CSF2RA: variants seen among roughly 807,000 people sequenced by gnomAD.
The protein encoded by CSF2RA is granulocyte-macrophage colony-stimulating factor receptor subunit alpha.
CSF2RA carries 42 observed loss-of-function variants against 51.6 expected under a neutral mutation model. The observed-to-expected ratio is 0.81, with a 90% confidence interval of 0.64 to 1.05. The LOEUF (loss-of-function observed/expected upper bound fraction) is 1.05. Ranked by LOEUF, CSF2RA falls within the 50% of genes least tolerant of loss-of-function variation. The pLI is 0.00. For synonymous variants in CSF2RA, 222 were observed against 193.0 expected, an observed-to-expected ratio of 1.15 and a Z score of -1.24; for missense variants, 530 against 501.1, an observed-to-expected ratio of 1.06 and a Z score of -0.55.
At chrX:1,312,228 C>T (rs1418419125), downstream of CSF2RA, among the ~76,000 whole-genome samples, 6 of 152,098 alleles carry the variant, frequency 3.9e-5, no homozygotes, top group East Asian at 1.9e-4. Flanking sequence ...TGTGAACCAC[C>T]ACACCTGTTC....
rs759146559 is a variant in CSF2RA at position 1,309,495 on chromosome X, G to C, written c.*16G>C. On this transcript the variant is annotated 3_prime_UTR_variant, in exon 13 of 13. Coordinates refer to ENST00000381529, the MANE Select transcript of CSF2RA (RefSeq NM_172245.4). ...AATTACCTGAGACCCAGAGGGTGTA[G>C]GAATGGCATGGACATCTCCGCCTCC... The C allele has an allele frequency of 1.2e-6, 2 of 1,613,896 alleles. No homozygotes were observed. The highest frequency in any genetic ancestry group is 1.7e-5 in the Admixed American group (1 of 59,996).
chrX:1,276,218 G>A (rs1184548042), intron 2 of CSF2RA, among the ~76,000 whole-genome samples: 1 of 151,134 alleles, frequency 6.6e-6, no homozygotes, highest in Non-Finnish European at 1.5e-5. Context: ...TTTTTCAGTA[G>A]ACACAGGGTT....
At chrX:1,269,035 A>C (rs1178665190) in intron 1 of CSF2RA, among the ~76,000 whole-genome samples, 156 bp downstream of exon 1, 1 of 152,080 alleles carries the variant, frequency 6.6e-6, no homozygotes, top group Non-Finnish European at 1.5e-5. Flanking sequence ...GGCCCAGAAG[A>C]CTGAGAGCCA....
At chrX:1,319,959 G>A in the CSF2RA span, among the ~76,000 whole-genome samples, 3 of 148,682 alleles carry the variant, frequency 2.0e-5, 1 homozygote, top group South Asian at 4.5e-4. Flanking sequence ...GCAGTGGCAC[G>A]ATCTCGGCTC....
the CSF2RA span, among the ~76,000 whole-genome samples, chrX:1,322,983 G>T: frequency 5.0e-4 from 76 of 151,484 alleles, no homozygotes; most frequent in Non-Finnish European, 9.4e-4. Context: ...CAAAAAATTA[G>T]CCGGGCGTGG....
At chrX:1,314,571 G>T (rs1392201183), downstream of CSF2RA, among the ~76,000 whole-genome samples, 21 of 66,206 alleles carry the variant, frequency 3.2e-4, no homozygotes, top group Middle Eastern at 8.3e-3. Context: ...CAATCCCACT[G>T]CACCTGCCCA....
chrX:1,276,145 G>C (rs2089161880), intron 2 of CSF2RA, among the ~76,000 whole-genome samples: 3 of 150,108 alleles, frequency 2.0e-5, no homozygotes, highest in Non-Finnish European at 4.4e-5. Flanking sequence ...GCATTACAGA[G>C]GTACGCCACC....
intron 6 of CSF2RA, 33 bp downstream of exon 6, chrX:1,288,921 G>C (rs1449932331): frequency 2.5e-6 from 4 of 1,612,926 alleles, no homozygotes; most frequent in Non-Finnish European, 3.4e-6. Context: ...GAATTATGAG[G>C]AATGCAGGGA....
chrX:1,324,366 G>T, the CSF2RA span, among the ~76,000 whole-genome samples: 1 of 129,908 alleles, frequency 7.7e-6, no homozygotes, highest in Non-Finnish European at 1.6e-5. Context: ...AAAAGAGAAA[G>T]GAAAGAAAGA....
In CSF2RA at chrX:1,303,934, G is replaced by C. The variant is rs760296852; in HGVS notation, c.958G>C (p.Gly320Arg). Residue 320 changes from glycine to arginine, a missense_variant, in exon 11 of 13, where the codon GGG becomes CGG. Physicochemically the swap from Gly to Arg is moderately radical, Grantham distance 125. Transcript: ENST00000381529. ...GTGTGTCTCTCCAGGTTCTGACGAC[G>C]GGAACCTCGGCTCTGTGTACATTTA... ...SEAIEFGSDDGNLGSVYIYVL... is the reference protein window; with the variant it reads ...SEAIEFGSDDRNLGSVYIYVL... 6 of 1,613,470 alleles carry C rather than the reference G, an allele frequency of 3.7e-6. No homozygotes were observed. The highest frequency in any genetic ancestry group is 5.1e-6 in the Non-Finnish European group (6 of 1,179,692).
chrX:1,294,392 G>T lies in CSF2RA; in HGVS notation c.711G>T (p.Trp237Cys), dbSNP rs1300348199. ...RCNTTHCLVR[W>C]KQPRTYQKLS... The stretch of plus-strand genomic sequence containing the variant: ...ACACGACGCACTGCCTCGTACGGTG[G>T]AAACAGCCCAGGACCTATCAGAAGC... The change falls in exon 8 of 13, where the codon TGG (tryptophan) becomes TGT (cysteine). Residue 237 changes from tryptophan (W) to cysteine (C), a missense_variant. Coordinates refer to ENST00000381529, the MANE Select transcript of CSF2RA (RefSeq NM_172245.4). 6.2e-7 allele frequency: 1 copy of T among 1,613,828 alleles called. No individual in the cohort carries two copies. Among genetic ancestry groups the T allele is most frequent in the African/African-American group, 1.3e-5 (1 of 74,932 alleles).
intron 2 of CSF2RA, among the ~76,000 whole-genome samples, chrX:1,275,104 A>AC (rs1224195433): frequency 3.9e-4 from 59 of 151,304 alleles, no homozygotes; most frequent in Non-Finnish European, 6.5e-4. Context: ...AAAAAAAAAA[A>AC]AGAGCCGGCC....
chrX:1,269,445 A>AC (rs2088048031), intron 1 of CSF2RA, among the ~76,000 whole-genome samples: 1 of 151,264 alleles, frequency 6.6e-6, no homozygotes, highest in Admixed American at 6.6e-5. Context: ...ACATGGAGAA[A>AC]CCCCGTCTCT....
chrX:1,270,218 T>G (rs767253479), intron 1 of CSF2RA, among the ~76,000 whole-genome samples: 1 of 145,996 alleles, frequency 6.8e-6, no homozygotes, highest in South Asian at 2.1e-4. Flanking sequence ...GTAATCAATA[T>G]TGTATATATA....
At chrX:1,288,480 T>C (rs1351821710) in intron 4 of CSF2RA, 39 bp from the exon 5 acceptor site, 16 of 1,613,408 alleles carry the variant, frequency 9.9e-6, no homozygotes, top group Non-Finnish European at 1.3e-5. Context: ...AGACAGAAGG[T>C]TGTTTCCTAA....
chrX:1,280,910 T>TCTCCTCCTCCTCCTCCTC (rs1250477697), intron 2 of CSF2RA, among the ~76,000 whole-genome samples: 24 of 33,208 alleles, frequency 7.2e-4, no homozygotes, highest in East Asian at 2.5e-3. Context: ...TCCTGCTCCT[T>TCTCCTCCTCCTCCTCCTC]CTCCTCCTCC....
intron 9 of CSF2RA, among the ~76,000 whole-genome samples, chrX:1,299,328 C>T (rs60335459): frequency 0.034 from 5,180 of 152,214 alleles, 299 homozygotes; most frequent in African/African-American, 0.12. Context: ...CTCCTCTGTC[C>T]GATGAGTATG....
intron 4 of CSF2RA, among the ~76,000 whole-genome samples, chrX:1,287,718 A>G (rs1372327509): frequency 1.5e-5 from 2 of 130,554 alleles, no homozygotes; most frequent in African/African-American, 5.9e-5. Flanking sequence ...TGCTGGCATT[A>G]CAGGTGTGAG....
intron 10 of CSF2RA, among the ~76,000 whole-genome samples, chrX:1,301,331 CAAAAAAAAAAAAAA>C (rs1156943650): frequency 4.8e-5 from 3 of 62,690 alleles, no homozygotes; most frequent in African/African-American, 6.0e-5. Context: ...GACTCTGTCT[CAAAAAAAAAAAAAA>C]AAAAAAAAAG....
Sources: gnomAD v4.1 joint callset for allele counts (sites outside exome capture counted in the v4.1 genomes callset) on GRCh38, gnomAD v4.1.1 for gene constraint, MANE v1.5 for transcripts, NCBI Gene and HGNC (gene_info 2026-07-23, HGNC 2026-07-21) for gene names.